ESRRG: variants seen among roughly 807,000 people sequenced by gnomAD.
ESRRG encodes the protein estrogen-related receptor gamma.
In ESRRG, 13 loss-of-function variants were observed where a neutral mutation model predicts 44.0. The ratio of observed to expected loss-of-function variants is 0.30; its 90% CI spans 0.19 to 0.47. ESRRG has a LOEUF of 0.47. Ranked by LOEUF, ESRRG falls within the 20% of genes least tolerant of loss-of-function variation. ESRRG has a pLI of 1.00. For missense variants in ESRRG, 395 were observed against 580.6 expected (o/e 0.68, Z 3.29); for synonymous variants, 215 against 214.6 (o/e 1.00, Z -0.02).
At chr1:216,917,947 C>T (rs1343655283) in intron 2 of ESRRG, among the ~76,000 whole-genome samples, 2 of 152,150 alleles carry the variant, frequency 1.3e-5, no homozygotes, top group Non-Finnish European at 2.9e-5. Context: ...TCCACTGCCT[C>T]AATTTTAAAA....
chr1:217,136,397 C>T lies in ESRRG; in HGVS notation c.-230+1270G>A, dbSNP rs543368500. Among the ~76,000 whole-genome samples the T allele has an allele frequency of 3.8e-4, 58 of 152,316 alleles. No individual in the cohort carries two copies. In the South Asian group the frequency reaches 0.012, roughly 31 times the overall value. On this transcript the variant is annotated intron_variant, in intron 1 of 8. Coordinates refer to the ESRRG transcript ENST00000366940. ...TTTCCTTTCCCAGAAGCGACAATAACCCACTCAGCAACTTTACTTCAACCC... is the reference window on the plus strand; with the variant it reads ...TTTCCTTTCCCAGAAGCGACAATAATCCACTCAGCAACTTTACTTCAACCC...
upstream of ESRRG, among the ~76,000 whole-genome samples, chr1:217,092,441 G>C (rs964407355): frequency 3.3e-5 from 5 of 152,146 alleles, no homozygotes; most frequent in Admixed American, 6.5e-5. Flanking sequence ...TCTGTGCCAA[G>C]GAAACTGAGG....
chr1:216,615,874 C>T (rs780414638), intron 3 of ESRRG, among the ~76,000 whole-genome samples: 2 of 151,750 alleles, frequency 1.3e-5, no homozygotes, highest in African/African-American at 2.4e-5. Flanking sequence ...TTAGTAGAGA[C>T]AGGGTTTCTC....
At chr1:216,720,853 C>A (rs1243893678) in intron 1 of ESRRG, among the ~76,000 whole-genome samples, 1 of 152,162 alleles carries the variant, frequency 6.6e-6, no homozygotes, top group Non-Finnish European at 1.5e-5. Flanking sequence ...GTTCCCTCCT[C>A]GCCTTGTCTG....
intron 1 of ESRRG, among the ~76,000 whole-genome samples, chr1:217,039,412 G>A (rs1244536855): frequency 6.6e-6 from 1 of 152,176 alleles, no homozygotes; most frequent in Non-Finnish European, 1.5e-5. Context: ...AGTTCCACAT[G>A]TAAGTGTGGA....
intron 2 of ESRRG, among the ~76,000 whole-genome samples, chr1:216,851,611 T>C (rs535052855): frequency 2.0e-5 from 3 of 152,282 alleles, no homozygotes; most frequent in South Asian, 2.1e-4. Flanking sequence ...CGCCAGAACC[T>C]GATCATGCTG....
intron 1 of ESRRG, among the ~76,000 whole-genome samples, chr1:217,046,201 T>C (rs1580026907): frequency 6.6e-6 from 1 of 152,106 alleles, no homozygotes; most frequent in South Asian, 2.1e-4. Context: ...TAACTTTTTC[T>C]ACTTATACCC....
At chr1:216,568,174 C>T in intron 3 of ESRRG, 76 bp from the exon 4 acceptor site, 1 of 988,298 alleles carries the variant, frequency 1.0e-6, no homozygotes, top group Non-Finnish European at 1.6e-6. Context: ...AGATGGTATC[C>T]CCCAAGAGCA....
chr1:216,763,586 A>G (rs1576288519), intron 2 of ESRRG, among the ~76,000 whole-genome samples: 1 of 152,290 alleles, frequency 6.6e-6, no homozygotes, highest in East Asian at 1.9e-4. Flanking sequence ...ATTTTGGGCT[A>G]AAGTCGATTA....
intron 1 of ESRRG, among the ~76,000 whole-genome samples, chr1:217,063,535 A>G (rs915740954): frequency 3.9e-5 from 6 of 152,198 alleles, no homozygotes; most frequent in African/African-American, 1.4e-4. Flanking sequence ...GGGGCCTACC[A>G]TAAAAAAGGG....
chr1:217,123,467 A>G (rs12141005), intron 1 of ESRRG, among the ~76,000 whole-genome samples: 6,043 of 152,208 alleles, frequency 0.04, 167 homozygotes, highest in African/African-American at 0.07. Flanking sequence ...TGTTCATTGC[A>G]GCACTATTCA....
intron 2 of ESRRG, among the ~76,000 whole-genome samples, chr1:216,843,375 G>A (rs2095685600): frequency 6.6e-6 from 1 of 151,946 alleles, no homozygotes; most frequent in Admixed American, 6.6e-5. Flanking sequence ...TAGGCAGGTC[G>A]GAAAGACTAA....
intron 1 of ESRRG, among the ~76,000 whole-genome samples, chr1:217,101,394 T>G (rs12030179): frequency 0.077 from 11,763 of 152,320 alleles, 565 homozygotes; most frequent in East Asian, 0.23. Context: ...TCAACTAATA[T>G]CAGTTATTAT....
At chr1:216,830,575 G>A (rs982643096) in intron 2 of ESRRG, among the ~76,000 whole-genome samples, 2 of 152,066 alleles carry the variant, frequency 1.3e-5, no homozygotes, top group African/African-American at 4.8e-5. Flanking sequence ...GGAGTTCAGG[G>A]CTCTCGGAAG....
chr1:216,806,585 T>C (rs1183950374), intron 2 of ESRRG, among the ~76,000 whole-genome samples: 1 of 152,196 alleles, frequency 6.6e-6, no homozygotes, highest in Non-Finnish European at 1.5e-5. Context: ...TTCAAATTAA[T>C]ACCCAGCTGC....
At chr1:216,582,492 A>T (rs1292585570) in intron 3 of ESRRG, among the ~76,000 whole-genome samples, 2 of 152,092 alleles carry the variant, frequency 1.3e-5, no homozygotes, top group Non-Finnish European at 2.9e-5. Context: ...CCCAGGCTGG[A>T]ATGCAGTGGC....
chr1:216,766,622 G>C (rs751254431), intron 2 of ESRRG, among the ~76,000 whole-genome samples: 12 of 152,048 alleles, frequency 7.9e-5, no homozygotes, highest in Non-Finnish European at 1.5e-4. Flanking sequence ...TTCTGTACCT[G>C]ATTTAGTGGG....
At chr1:216,549,037 A>G (rs2055434801) in intron 5 of ESRRG, among the ~76,000 whole-genome samples, 1 of 152,166 alleles carries the variant, frequency 6.6e-6, no homozygotes, top group Admixed American at 6.6e-5. Context: ...ATAGAACATG[A>G]CAAATCTGTC....
intron 6 of ESRRG, among the ~76,000 whole-genome samples, chr1:216,513,926 T>C (rs2043437463): frequency 6.6e-6 from 1 of 152,174 alleles, no homozygotes; most frequent in South Asian, 2.1e-4. Flanking sequence ...ACCATGCTAA[T>C]GACGTTTTGT....
Sources: allele counts gnomAD v4.1 joint callset (sites outside exome capture counted in the v4.1 genomes callset), GRCh38; gene constraint gnomAD v4.1.1; transcripts MANE v1.5; gene names NCBI Gene and HGNC (gene_info 2026-07-23, HGNC 2026-07-21).